LASP1: variants seen among roughly 807,000 people sequenced by gnomAD.
The protein encoded by LASP1 is LIM and SH3 domain protein 1.
Under a neutral mutation model 38.6 loss-of-function variants are expected in LASP1, and 10 were observed. The observed-to-expected ratio is 0.26, with a 90% CI of 0.16 to 0.44. LASP1 has a LOEUF of 0.44. Among genes scored for constraint, LASP1 ranks in the 20% least tolerant of loss-of-function variants. The pLI, the probability that LASP1 is intolerant of heterozygous loss-of-function variation, is 1.00. For missense variants in LASP1, 243 were observed against 375.7 expected (o/e 0.65, Z 2.92); for synonymous variants, 132 against 140.8 (o/e 0.94, Z 0.44).
At chr17:38,901,856 C>T (rs1199748058) in intron 4 of LASP1, among the ~76,000 whole-genome samples, 1 of 151,924 alleles carries the variant, frequency 6.6e-6, no homozygotes, top group African/African-American at 2.4e-5. Context: ...ACCTCCGCCT[C>T]CCGGGTTCAC....
chr17:38,918,827 C>G lies in LASP1; in HGVS notation c.*49C>G, dbSNP rs547123981. ...TCAGCACATTCCACGGCATCGCATC[C>G]GTCCTGGGCGTGACCCGTCCATTCT... On this transcript the variant is annotated 3_prime_UTR_variant, in exon 7 of 7. Transcript: ENST00000318008. This position sits in a 1 kb window ranked among gnomAD's most constrained non-coding sequence, Gnocchi z 4.4. 1.3e-6 allele frequency: 2 copies of G among 1,590,452 alleles called. No homozygotes were observed. Among genetic ancestry groups the G allele is most frequent in the African/African-American group, 1.3e-5 (1 of 74,600 alleles).
At chr17:38,900,197 C>CAAAAAA (rs56008544) in intron 4 of LASP1, among the ~76,000 whole-genome samples, 7 of 67,574 alleles carry the variant, frequency 1.0e-4, no homozygotes, top group African/African-American at 2.7e-4. Context: ...ACTGTTTCTA[C>CAAAAAA]AAAAAAAAAA....
chr17:38,902,211 C>A (rs530829679), intron 4 of LASP1, among the ~76,000 whole-genome samples: 1 of 152,076 alleles, frequency 6.6e-6, no homozygotes, highest in Admixed American at 6.6e-5. Flanking sequence ...CAGGTGTGCA[C>A]CACCATGCCC....
chr17:38,915,132 C>A lies in LASP1; in HGVS notation c.598C>A (p.Pro200Thr), dbSNP rs751612653. The A allele has an allele frequency of 1.2e-6, 2 of 1,613,766 alleles. No homozygotes were observed. Among genetic ancestry groups the A allele is most frequent in the Non-Finnish European group, 1.7e-6 (2 of 1,179,902 alleles). ...CCCAGTCTCCATACAGCGCAGCGCC[C>A]CAGGTGGTGGCGGGGTGAGTAACCC... ...AAPVSIQRSA[P>T]GGGGKRYRAV... is the part of the protein sequence containing the mutation. Residue 200 changes from proline (P) to threonine (T), a missense_variant, in exon 6 of 7, where the codon CCA becomes ACA. By Grantham distance (38) the Pro-to-Thr change is conservative (BLOSUM62 -1). Around this residue, in one of 4 missense-constraint regions of LASP1, gnomAD observed 165 missense variants for 210.3 expected, o/e 0.78. Transcript: ENST00000318008.
chr17:38,874,901 G>T (rs1913716946), intron 1 of LASP1, among the ~76,000 whole-genome samples: 1 of 152,142 alleles, frequency 6.6e-6, no homozygotes, highest in African/African-American at 2.4e-5. Context: ...TGTGCCCCCT[G>T]CCTGCTCAGT....
chr17:38,901,008 C>T (rs1400268451), intron 4 of LASP1, among the ~76,000 whole-genome samples: 2 of 152,214 alleles, frequency 1.3e-5, no homozygotes, highest in African/African-American at 2.4e-5. Context: ...TGGGGAAAAC[C>T]CGGAATGGTT....
chr17:38,881,025 C>G (rs1165260814), intron 2 of LASP1, among the ~76,000 whole-genome samples: 3 of 152,164 alleles, frequency 2.0e-5, no homozygotes, highest in Non-Finnish European at 4.4e-5. Flanking sequence ...ATTGCTTGAA[C>G]CTGGGAGGCC....
In LASP1 at chr17:38,918,504, C is replaced by G; in HGVS notation, c.613-101C>G. 8.5e-7 allele frequency: 1 copy of G among 1,176,856 alleles called. No homozygotes were observed. Among genetic ancestry groups the G allele is most frequent in the Non-Finnish European group, 1.2e-6 (1 of 834,726 alleles). The allele number at this position is 1,176,856 out of a possible 1,614,324, so 72.9% of individuals were successfully genotyped here. ...GTGCTCCATTTCTGAGTTCACTGCT[C>G]CCCCAGGCTCTGCTCCAGGGTCGTG... On this transcript the variant is annotated intron_variant, in intron 6 of 6. Coordinates refer to ENST00000318008, the MANE Select transcript of LASP1 (RefSeq NM_006148.4). This position sits in a 1 kb window ranked among gnomAD's most constrained non-coding sequence, Gnocchi z 4.4.
At chr17:38,897,144 C>T in intron 3 of LASP1, 1 of 893,960 alleles carries the variant, frequency 1.1e-6, no homozygotes, top group Non-Finnish European at 1.3e-6. Flanking sequence ...TGGGGAACAG[C>T]ACATCCAAGC....
chr17:38,898,888 C>G (rs1452302146), intron 4 of LASP1: 1 of 393,946 alleles, frequency 2.5e-6, no homozygotes, highest in African/African-American at 2.1e-5. Flanking sequence ...CCTGGCCTCC[C>G]CTGGTCTGCG....
rs1443169343 is a variant in LASP1 at position 38,921,311 on chromosome 17, A to G, written c.*2533A>G. 4.3e-6 allele frequency: 1 copy of G among 231,058 alleles called. No homozygotes were observed. The highest frequency in any genetic ancestry group is 2.2e-5 in the African/African-American group (1 of 45,182). 14.3% of individuals were successfully genotyped at this position (231,058 alleles called of 1,614,324 possible). On this transcript the variant is annotated 3_prime_UTR_variant, in exon 7 of 7. Coordinates refer to ENST00000318008, the MANE Select transcript of LASP1 (RefSeq NM_006148.4). The stretch of plus-strand genomic sequence containing the variant: ...AATATAACTTTTGTGGACCAATACT[A>G]AGAATAACAAGAAGCCCAGTGGTGA...
intron 1 of LASP1, among the ~76,000 whole-genome samples, chr17:38,873,379 C>T (rs1417854868): frequency 6.6e-6 from 1 of 152,198 alleles, no homozygotes; most frequent in Non-Finnish European, 1.5e-5. Flanking sequence ...ACAGCAGCCT[C>T]ACAAAGTAGG....
At chr17:38,900,078 T>C (rs1417913088) in intron 4 of LASP1, among the ~76,000 whole-genome samples, 3 of 149,812 alleles carry the variant, frequency 2.0e-5, no homozygotes, top group African/African-American at 7.4e-5. Context: ...CTATACACCC[T>C]CACATAATAC....
chr17:38,895,820 TAG>T (rs1914471604), intron 3 of LASP1, among the ~76,000 whole-genome samples: 1 of 152,062 alleles, frequency 6.6e-6, no homozygotes, highest in African/African-American at 2.4e-5. Flanking sequence ...ACAGAAAAAT[TAG>T]AGTTTCACGG....
chr17:38,898,131 G>T (rs1369992769), intron 3 of LASP1, among the ~76,000 whole-genome samples: 1 of 152,172 alleles, frequency 6.6e-6, no homozygotes, highest in African/African-American at 2.4e-5. Context: ...TGTTAATTGC[G>T]TGGCTATATG....
In LASP1 at chr17:38,914,372, G is replaced by A; in HGVS notation, c.405G>A (p.Gly135=). The part of the protein sequence containing the change: ...EFEKSRMGPS[G]GEGMEPERRD... ...AGAAGAGCCGCATGGGCCCTAGCGG[G>A]GGCGAGGGCATGGAGCCAGAGCGTC... is the stretch of plus-strand genomic sequence containing the variant. The change falls in exon 5 of 7, where the codon GGG becomes GGA. Residue 135 remains glycine (G), a synonymous_variant. Transcript: ENST00000318008. The A allele has an allele frequency of 6.2e-7, 1 of 1,612,194 alleles. No individual in the cohort carries two copies. The highest frequency in any genetic ancestry group is 8.5e-7 in the Non-Finnish European group (1 of 1,179,900).
Position 38,900,269 on chromosome 17 carries a change from A to T in LASP1, c.357+1750A>T, listed in dbSNP as rs372344875. On this transcript the variant is annotated intron_variant, in intron 4 of 6. Transcript: ENST00000318008. ...ATAGCACACGCCTGTGGTCCTAGCT[A>T]TTCAGGAGGCTGAAGTGGGAGGATC... is the stretch of plus-strand genomic sequence containing the variant. Among the ~76,000 whole-genome samples the T allele has an allele frequency of 3.3e-5, 5 of 149,576 alleles. No homozygotes were observed. The East Asian group carries it at 9.8e-4, about 29-fold the overall frequency.
intron 3 of LASP1, among the ~76,000 whole-genome samples, chr17:38,897,410 G>A (rs192206478): frequency 3.9e-5 from 6 of 152,374 alleles, no homozygotes; most frequent in South Asian, 2.1e-4. Context: ...TGCAGCCCCC[G>A]TGGAGGAAAT....
chr17:38,874,952 C>T (rs1248909869), intron 1 of LASP1, among the ~76,000 whole-genome samples: 1 of 152,098 alleles, frequency 6.6e-6, no homozygotes, highest in Non-Finnish European at 1.5e-5. Flanking sequence ...GCTCCGGGTG[C>T]AGGCCTGGCC....
Sources: allele counts gnomAD v4.1 joint callset (sites outside exome capture counted in the v4.1 genomes callset), GRCh38; gene constraint gnomAD v4.1.1; regional missense constraint gnomAD v4.1.1; non-coding constraint Gnocchi (gnomAD v3.1); transcripts MANE v1.5; gene names NCBI Gene and HGNC (gene_info 2026-07-23, HGNC 2026-07-21).